Variants in WNK3 observed in about 807,000 individuals in gnomAD.
The protein encoded by WNK3 is serine/threonine-protein kinase WNK3.
WNK3 carries 18 observed loss-of-function variants against 116.7 expected under a neutral mutation model. The ratio of observed to expected loss-of-function variants is 0.15; its 90% CI spans 0.11 to 0.23. The LOEUF is 0.23. Among genes scored for constraint, WNK3 ranks in the 10% least tolerant of loss-of-function variants. The pLI, the probability that WNK3 is intolerant of heterozygous loss-of-function variation, is 1.00. For synonymous variants in WNK3, 404 were observed against 469.4 expected, an observed-to-expected ratio of 0.86 and a Z score of 1.80; for missense variants, 993 against 1,323.8, an observed-to-expected ratio of 0.75 and a Z score of 3.88.
chrX:54,321,896 A>T (rs782189720), intron 2 of WNK3, among the ~76,000 whole-genome samples: 3 of 107,944 alleles, frequency 2.8e-5, no homozygotes, highest in South Asian at 8.5e-4. Flanking sequence ...GAGGCAGAAA[A>T]TTCGCTTGAC....
At chrX:54,325,482 T>C (rs782644504) in intron 2 of WNK3, among the ~76,000 whole-genome samples, 13 of 109,015 alleles carry the variant, frequency 1.2e-4, no homozygotes, top group Non-Finnish European at 1.9e-5. Flanking sequence ...AGTTCAAGAC[T>C]AGCCTGGCCA....
At chrX:54,332,990 T>C (rs2069190534) in intron 2 of WNK3, 147 bp downstream of exon 2, 2 of 405,355 alleles carry the variant, frequency 4.9e-6, no homozygotes, top group Admixed American at 9.0e-5. Flanking sequence ...CCTAAGAGGA[T>C]ATAGGAAAGG....
chrX:54,293,049 A>AG lies in WNK3; in HGVS notation c.1888-13dup, dbSNP rs782622296. The AG allele has an allele frequency of 8.3e-7, 1 of 1,201,808 alleles. No homozygotes were observed. Among genetic ancestry groups the AG allele is most frequent in the African/African-American group, 1.8e-5 (1 of 57,106 alleles). On this transcript the variant is annotated splice_polypyrimidine_tract_variant and intron_variant, in intron 9 of 23. Coordinates refer to ENST00000354646, the Ensembl canonical transcript of WNK3. ...GAATGCTTCTGTAACTGTTAAAATA[A>AG]GGGGAAAAAAAGATTAAAGATAAAC... is the stretch of plus-strand genomic sequence containing the variant.
intron 10 of WNK3, among the ~76,000 whole-genome samples, chrX:54,289,585 T>C (rs1324716240): frequency 9.0e-6 from 1 of 111,160 alleles, no homozygotes; most frequent in Non-Finnish European, 1.9e-5. Context: ...AAATTAATGA[T>C]TGTTGCTGAA....
intron 1 of WNK3, among the ~76,000 whole-genome samples, chrX:54,351,912 AAAAAC>A (rs782572951): frequency 8.9e-6 from 1 of 111,966 alleles, no homozygotes; most frequent in African/African-American, 3.2e-5. Flanking sequence ...ACTGCATCTC[AAAAAC>A]AAAACAAAAC....
At chrX:54,322,139 G>A (rs782061963) in intron 2 of WNK3, among the ~76,000 whole-genome samples, 7 of 111,517 alleles carry the variant, frequency 6.3e-5, no homozygotes, top group South Asian at 3.8e-4. Flanking sequence ...GTGAGCATTC[G>A]GTTCATTTGG....
chrX:54,259,986 T>A (rs1557156366), intron 10 of WNK3, among the ~76,000 whole-genome samples: 1 of 111,939 alleles, frequency 8.9e-6, no homozygotes, highest in Non-Finnish European at 1.9e-5. Context: ...GTTTAAACCC[T>A]ATATGATGGT....
intron 10 of WNK3, among the ~76,000 whole-genome samples, chrX:54,260,700 A>C (rs1286474693): frequency 9.0e-6 from 1 of 110,573 alleles, no homozygotes; most frequent in Non-Finnish European, 1.9e-5. Context: ...AAATTTAATG[A>C]AATGTTTCAT....
rs1331352351 is a variant in WNK3, at chrX:54,337,192, C to A, written c.-119-3400G>T. ...GACAAAAGGGCATCTAAGCAAGGAG[C>A]CAAAAATAGTTAAGCCAGAGAATTT... On this transcript the variant is annotated intron_variant, in intron 1 of 23. Coordinates refer to ENST00000354646, the Ensembl canonical transcript of WNK3. Among the ~76,000 whole-genome samples, 15 of 111,350 alleles carry A rather than the reference C, an allele frequency of 1.3e-4. No homozygotes were observed. In the Admixed American group the frequency reaches 1.5e-3, roughly 11 times the overall value.
At chrX:54,298,536 A>C in intron 6 of WNK3, 142 bp from the exon 7 acceptor site, 1 of 462,340 alleles carries the variant, frequency 2.2e-6, no homozygotes, top group South Asian at 4.5e-5. Flanking sequence ...TTGTTATAAA[A>C]ACCAAATCTC....
exon 16 of WNK3, chrX:54,250,071 A>G: frequency 8.3e-7 from 1 of 1,204,566 alleles, no homozygotes; most frequent in Non-Finnish European, 1.1e-6. Context: ...ACGGTTTCTT[A>G]TCGTCTGATT....
intron 1 of WNK3, among the ~76,000 whole-genome samples, chrX:54,345,165 C>T: frequency 9.3e-6 from 1 of 108,057 alleles, no homozygotes; most frequent in Non-Finnish European, 1.9e-5. Context: ...TGGTGTGAAC[C>T]CGGGAGGCGG....
chrX:54,336,950 A>G (rs1557175481), intron 1 of WNK3, among the ~76,000 whole-genome samples: 1 of 111,782 alleles, frequency 8.9e-6, no homozygotes, highest in Non-Finnish European at 1.9e-5. Context: ...CTATGAGGTT[A>G]CATTGCCAAA....
At chrX:54,232,735 G>T in intron 21 of WNK3, 74 bp downstream of exon 21, 1 of 853,380 alleles carries the variant, frequency 1.2e-6, no homozygotes, top group Non-Finnish European at 1.7e-6. Flanking sequence ...AAAATAAATT[G>T]TATTATAATC....
chrX:54,203,327 T>C (rs1756777429), intron 22 of WNK3, among the ~76,000 whole-genome samples: 1 of 112,168 alleles, frequency 8.9e-6, no homozygotes, highest in South Asian at 3.7e-4. Context: ...GAGTTCCAAT[T>C]CCTCTGACTG....
At chrX:54,214,908 G>A (rs994339169) in intron 22 of WNK3, among the ~76,000 whole-genome samples, 18 of 109,248 alleles carry the variant, frequency 1.6e-4, no homozygotes, top group Non-Finnish European at 3.0e-4. Flanking sequence ...AGCTACTCAG[G>A]AGGCCGAGGC....
At chrX:54,243,626 C>T (rs1410627639) in intron 17 of WNK3, among the ~76,000 whole-genome samples, 1 of 111,001 alleles carries the variant, frequency 9.0e-6, no homozygotes, top group East Asian at 2.8e-4. Flanking sequence ...TTTATACTTA[C>T]CAGGATGGCT....
chrX:54,331,099 C>T (rs1162500138), intron 2 of WNK3, among the ~76,000 whole-genome samples: 1 of 109,547 alleles, frequency 9.1e-6, no homozygotes, highest in African/African-American at 3.3e-5. Context: ...GGAAGAACAG[C>T]TAATGGATGC....
intron 22 of WNK3, among the ~76,000 whole-genome samples, chrX:54,207,509 C>CTTTT (rs782017192): frequency 2.4e-5 from 2 of 84,303 alleles, no homozygotes; most frequent in African/African-American, 4.3e-5. Context: ...GCCCATTTAT[C>CTTTT]TTTTTTTTTT....
Sources: allele counts gnomAD v4.1 joint callset (sites outside exome capture counted in the v4.1 genomes callset), GRCh38; gene constraint gnomAD v4.1.1; transcripts MANE v1.5; gene names NCBI Gene and HGNC (gene_info 2026-07-23, HGNC 2026-07-21).